TBC1D12: variants seen among roughly 807,000 people sequenced by gnomAD.
The protein encoded by TBC1D12 is TBC1 domain family, member 12.
TBC1D12 carries 56 observed loss-of-function variants against 86.7 expected under a neutral mutation model. The ratio of observed to expected loss-of-function variants is 0.65; its 90% CI spans 0.52 to 0.81. The LOEUF (loss-of-function observed/expected upper bound fraction) is 0.81, where lower values mean the gene tolerates loss of function less well. Among genes scored for constraint, TBC1D12 ranks in the 30% least tolerant of loss-of-function variants. The probability of loss-of-function intolerance (pLI) is 0.00; values close to 1 mark genes in which losing one functional copy is unlikely to be tolerated. For synonymous variants in TBC1D12, 421 were observed against 411.7 expected (o/e 1.02, Z -0.27); for missense variants, 1,023 against 1,038.8 (o/e 0.98, Z 0.21).
chr10:94,497,861 TG>T (rs1478211663), intron 5 of TBC1D12, among the ~76,000 whole-genome samples: 1 of 140,804 alleles, frequency 7.1e-6, no homozygotes, highest in Non-Finnish European at 1.6e-5. Flanking sequence ...CTCGCTCTGT[TG>T]CCCAGGCTAG....
intron 6 of TBC1D12, among the ~76,000 whole-genome samples, chr10:94,503,944 A>T (rs1313746447): frequency 3.3e-5 from 5 of 152,166 alleles, no homozygotes; most frequent in Non-Finnish European, 7.3e-5. Flanking sequence ...TTTTCAAAGA[A>T]CTTAAAAACT....
intron 9 of TBC1D12, among the ~76,000 whole-genome samples, chr10:94,520,690 C>T (rs958201085): frequency 5.3e-5 from 8 of 151,840 alleles, no homozygotes; most frequent in African/African-American, 1.9e-4. Context: ...GACCGAGTCT[C>T]GCTCTGTCAC....
At chr10:94,473,346 G>A (rs1377375631) in intron 2 of TBC1D12, among the ~76,000 whole-genome samples, 40 of 145,994 alleles carry the variant, frequency 2.7e-4, no homozygotes, top group Non-Finnish European at 4.0e-4. Context: ...GGCAACAAGA[G>A]CATAACTCCA....
chr10:94,406,440 G>C (rs1044552428), intron 1 of TBC1D12, among the ~76,000 whole-genome samples: 8 of 152,174 alleles, frequency 5.3e-5, no homozygotes, highest in African/African-American at 1.7e-4. Context: ...AAAGGGCAGA[G>C]TCAGAGAGGC....
At chr10:94,508,038 TGAA>T (rs1363361600) in intron 7 of TBC1D12, among the ~76,000 whole-genome samples, 4 of 152,200 alleles carry the variant, frequency 2.6e-5, no homozygotes, top group African/African-American at 9.7e-5. Context: ...TTGAATGTAA[TGAA>T]GAGTTCTAGT....
Position 94,435,572 on chromosome 10 carries a change from GTT to G in TBC1D12, c.972-6323_972-6322del, listed in dbSNP as rs147199266. ...ATCTTTTATGAAAGTGGTTAGTGGA[GTT>G]CTTTGTATTTTCTGTGTGCTAATTT... is the stretch of plus-strand genomic sequence containing the variant. On this transcript the variant is annotated intron_variant, in intron 1 of 12. Coordinates refer to ENST00000225235, the MANE Select transcript of TBC1D12 (RefSeq NM_015188.2). Among the ~76,000 whole-genome samples, 352 of 152,214 alleles carry G rather than the reference GTT, an allele frequency of 2.3e-3. 1 individual carries two copies. The highest frequency in any genetic ancestry group is 8.2e-3 in the African/African-American group (339 of 41,536).
intron 6 of TBC1D12, among the ~76,000 whole-genome samples, chr10:94,502,100 A>G (rs2056405561): frequency 6.6e-6 from 1 of 151,954 alleles, no homozygotes; most frequent in Non-Finnish European, 1.5e-5. Context: ...TGGGAGGCCA[A>G]CGCGGGTGGA....
intron 9 of TBC1D12, 124 bp downstream of exon 9, chr10:94,511,778 T>A: frequency 1.4e-6 from 1 of 718,082 alleles, no homozygotes; most frequent in Non-Finnish European, 2.3e-6. Context: ...CTTAGGCTTA[T>A]CAATTTACCC....
At position 94,403,204 on chromosome 10, in the gene TBC1D12, C is replaced by T; in HGVS notation, c.591C>T (p.Asp197=). The change falls in exon 1 of 13, where the codon GAC becomes GAT. Residue 197 remains aspartate, a synonymous_variant. Transcript: ENST00000225235. ...CCGATTGGGCCTCTCCGCTTGAGGA[C>T]CCGCTGCGGAGCTGCTGCCTGGTGG... ...SPSDWASPLE[D]PLRSCCLVAA... 2.0e-6 allele frequency: 3 copies of T among 1,502,062 alleles called. No individual in the cohort carries two copies. The highest frequency in any genetic ancestry group is 2.7e-6 in the Non-Finnish European group (3 of 1,127,998). The allele number at this position is 1,502,062 out of a possible 1,614,324, so 93.0% of individuals were successfully genotyped here.
intron 9 of TBC1D12, among the ~76,000 whole-genome samples, chr10:94,517,481 A>G (rs977598790): frequency 2.6e-5 from 4 of 152,208 alleles, no homozygotes; most frequent in African/African-American, 9.7e-5. Flanking sequence ...TACACTTATG[A>G]TAATGATTTT....
chr10:94,419,675 A>C (rs2055049197), intron 1 of TBC1D12, among the ~76,000 whole-genome samples: 1 of 152,214 alleles, frequency 6.6e-6, no homozygotes, highest in Non-Finnish European at 1.5e-5. Flanking sequence ...TCTCAGGGAA[A>C]AAAAAGACAA....
intron 1 of TBC1D12, among the ~76,000 whole-genome samples, chr10:94,415,476 G>A (rs1163972553): frequency 6.6e-6 from 1 of 152,188 alleles, no homozygotes; most frequent in Non-Finnish European, 1.5e-5. Flanking sequence ...GCTCATGCCT[G>A]CAATCCCAGC....
At position 94,447,643 on chromosome 10, in the gene TBC1D12, T is replaced by G. The variant is rs2055489000; in HGVS notation, c.1095+5624T>G. 3.0e-6 allele frequency: 3 copies of G among 985,164 alleles called. No homozygotes were observed. In the Admixed American group the frequency reaches 1.8e-4, roughly 61 times the overall value. 61.0% of individuals were successfully genotyped at this position (985,164 alleles called of 1,614,324 possible). On this transcript the variant is annotated intron_variant, in intron 2 of 12. Coordinates refer to ENST00000225235, the MANE Select transcript of TBC1D12 (RefSeq NM_015188.2). Reference sequence around the variant, plus strand: ...CATGTGTTCTCTTGCAGATGTGAAATTCCGCTTGTGGCCTTTTGAACCAGT... The same window carrying G: ...CATGTGTTCTCTTGCAGATGTGAAAGTCCGCTTGTGGCCTTTTGAACCAGT...
intron 1 of TBC1D12, among the ~76,000 whole-genome samples, chr10:94,407,937 G>A (rs765581048): frequency 9.2e-5 from 14 of 152,170 alleles, no homozygotes; most frequent in Non-Finnish European, 1.3e-4. Flanking sequence ...CTGCACTCTA[G>A]CCTGGGTGAC....
chr10:94,512,367 T>C (rs1260352999), intron 9 of TBC1D12, among the ~76,000 whole-genome samples: 1 of 152,240 alleles, frequency 6.6e-6, no homozygotes, highest in African/African-American at 2.4e-5. Flanking sequence ...CATTTTTAAC[T>C]AGAAGTTATA....
At chr10:94,443,155 A>G (rs534482495) in intron 2 of TBC1D12, among the ~76,000 whole-genome samples, 12 of 152,254 alleles carry the variant, frequency 7.9e-5, no homozygotes, top group Admixed American at 2.0e-4. Context: ...AGAGGACTGC[A>G]TGTTTGTCCC....
intron 2 of TBC1D12, among the ~76,000 whole-genome samples, chr10:94,459,457 C>T (rs981630483): frequency 7.2e-5 from 11 of 152,362 alleles, no homozygotes; most frequent in East Asian, 1.9e-4. Context: ...GCTGGGGCTG[C>T]GGGTGGAGCT....
At chr10:94,474,081 G>C (rs1245433096) in intron 2 of TBC1D12, among the ~76,000 whole-genome samples, 1 of 152,004 alleles carries the variant, frequency 6.6e-6, no homozygotes, top group Non-Finnish European at 1.5e-5. Flanking sequence ...CCTTGAGAGG[G>C]ATCTTCAGAG....
intron 1 of TBC1D12, among the ~76,000 whole-genome samples, chr10:94,439,493 C>G (rs962168461): frequency 1.3e-5 from 2 of 152,094 alleles, no homozygotes; most frequent in Non-Finnish European, 1.5e-5. Flanking sequence ...GTTGAGCAGG[C>G]TGCAGGAACG....
Sources: allele counts gnomAD v4.1 joint callset (sites outside exome capture counted in the v4.1 genomes callset), GRCh38; gene constraint gnomAD v4.1.1; transcripts MANE v1.5; gene names NCBI Gene and HGNC (gene_info 2026-07-23, HGNC 2026-07-21).